The following WWOX variants were observed in gnomAD, a reference collection of about 807,000 sequenced individuals.
The protein encoded by WWOX is WW domain containing oxidoreductase.
Under a neutral mutation model 46.2 loss-of-function variants are expected in WWOX, and 69 were observed. That is an observed-to-expected ratio of 1.49 (90% CI 1.23 to 1.82). The LOEUF is 1.82. Ranked by LOEUF, WWOX falls within the 40% of genes most tolerant of loss-of-function variation. WWOX has a pLI of 0.00. For synonymous variants in WWOX, 359 were observed against 202.6 expected (o/e 1.77, Z -6.56); for missense variants, 919 against 542.6 (o/e 1.69, Z -6.89).
intron 8 of WWOX, among the ~76,000 whole-genome samples, chr16:78,914,829 G>GGA (rs2045206358): frequency 6.9e-6 from 1 of 145,416 alleles, no homozygotes; most frequent in South Asian, 2.2e-4. Context: ...CAGTGAGCCA[G>GGA]GATCGCGCCA....
chr16:78,372,847 T>C (rs2151922852), intron 5 of WWOX, among the ~76,000 whole-genome samples: 1 of 152,320 alleles, frequency 6.6e-6, no homozygotes, highest in East Asian at 1.9e-4. Flanking sequence ...TAATTTGTTA[T>C]CATCATGCCT....
chr16:78,695,577 T>C (rs1437166308), intron 8 of WWOX, among the ~76,000 whole-genome samples: 1 of 152,154 alleles, frequency 6.6e-6, no homozygotes, highest in African/African-American at 2.4e-5. Context: ...TTCAGCGGGC[T>C]GGATCAGAGA....
intron 4 of WWOX, among the ~76,000 whole-genome samples, chr16:78,134,149 G>A (rs999752284): frequency 5.9e-5 from 9 of 152,162 alleles, no homozygotes; most frequent in Admixed American, 5.2e-4. Flanking sequence ...TTTACTAGTT[G>A]CTCAAATATT....
intron 8 of WWOX, among the ~76,000 whole-genome samples, chr16:78,469,465 T>A (rs1333037922): frequency 6.6e-6 from 1 of 152,162 alleles, no homozygotes; most frequent in African/African-American, 2.4e-5. Flanking sequence ...GAAACAGAGA[T>A]GACAGGCTCC....
rs1319840360 is a variant in WWOX at position 78,332,764 on chromosome 16, TG to T, written c.517-54095del. ...TGAGTGTGCCTTTTGCTCTGTTAAG[TG>T]TGCATTCAGAACTTTACTAACATGG... is the stretch of plus-strand genomic sequence containing the variant. On this transcript the variant is annotated intron_variant, in intron 5 of 8. Coordinates refer to ENST00000566780, the MANE Select transcript of WWOX (RefSeq NM_016373.4). Among the ~76,000 whole-genome samples, 33 of 152,130 alleles carry T rather than the reference TG, an allele frequency of 2.2e-4. 2 individuals are homozygous for T. Among genetic ancestry groups the T allele is most frequent in the Admixed American group, 6.6e-5 (1 of 15,266 alleles).
At chr16:78,533,745 A>G (rs2043688455) in intron 8 of WWOX, among the ~76,000 whole-genome samples, 1 of 152,188 alleles carries the variant, frequency 6.6e-6, no homozygotes, top group Admixed American at 6.5e-5. Flanking sequence ...CCCTCCAGAA[A>G]GCCTTCCCTG....
intron 8 of WWOX, among the ~76,000 whole-genome samples, chr16:78,801,460 TATC>T (rs1158080543): frequency 6.6e-6 from 1 of 152,122 alleles, no homozygotes; most frequent in East Asian, 1.9e-4. Flanking sequence ...AGTAAGCTGA[TATC>T]ATGTCACCGC....
intron 8 of WWOX, among the ~76,000 whole-genome samples, chr16:78,790,387 A>T (rs1431040069): frequency 3.3e-5 from 5 of 152,098 alleles, no homozygotes; most frequent in Non-Finnish European, 7.4e-5. Flanking sequence ...TGCCCGCCCC[A>T]GCCTCCCAAA....
chr16:79,137,889 G>T (rs1017837900), intron 8 of WWOX, among the ~76,000 whole-genome samples: 2 of 152,114 alleles, frequency 1.3e-5, no homozygotes, highest in Admixed American at 1.3e-4. Flanking sequence ...CAAAGTTAGG[G>T]GGTGGGGGAC....
intron 8 of WWOX, among the ~76,000 whole-genome samples, chr16:79,186,404 C>T (rs139049805): frequency 1.3e-5 from 2 of 152,188 alleles, no homozygotes; most frequent in Non-Finnish European, 2.9e-5. Flanking sequence ...CTTGGTGTTT[C>T]CTGGCTTGCA....
chr16:78,999,565 A>G (rs938365593), intron 8 of WWOX, among the ~76,000 whole-genome samples: 36 of 152,220 alleles, frequency 2.4e-4, no homozygotes, highest in Admixed American at 4.6e-4. Flanking sequence ...CAGAGTCAAA[A>G]TGTTATTCAG....
intron 8 of WWOX, among the ~76,000 whole-genome samples, chr16:78,973,553 CT>C (rs922272298): frequency 2.6e-5 from 4 of 152,082 alleles, no homozygotes; most frequent in African/African-American, 9.6e-5. Context: ...TTTTTGCTTT[CT>C]TTTTTTGGGG....
intron 8 of WWOX, among the ~76,000 whole-genome samples, chr16:78,747,830 C>T (rs538197206): frequency 6.6e-6 from 1 of 152,324 alleles, no homozygotes; most frequent in South Asian, 2.1e-4. Flanking sequence ...TGTCTCCAAG[C>T]TGCTCCATGA....
intron 5 of WWOX, among the ~76,000 whole-genome samples, chr16:78,325,028 C>A (rs964983527): frequency 1.3e-5 from 2 of 152,174 alleles, no homozygotes; most frequent in African/African-American, 4.8e-5. Context: ...CACAAAAACC[C>A]ATTCCTCAGA....
At chr16:78,485,648 C>T (rs975208223) in intron 8 of WWOX, among the ~76,000 whole-genome samples, 1 of 152,300 alleles carries the variant, frequency 6.6e-6, no homozygotes, top group South Asian at 2.1e-4. Context: ...CTGCCCGCCG[C>T]GTGAAGGACA....
intron 8 of WWOX, among the ~76,000 whole-genome samples, chr16:78,740,227 G>A (rs749569649): frequency 7.5e-4 from 114 of 152,294 alleles, no homozygotes; most frequent in Non-Finnish European, 7.9e-4. Context: ...ACTCAGGAAG[G>A]CTGGAGTCTT....
In WWOX at chr16:78,485,942, A is replaced by T. The variant is rs952118500; in HGVS notation, c.1056+53190A>T. Among the ~76,000 whole-genome samples, 35 of 152,228 alleles carry T rather than the reference A, an allele frequency of 2.3e-4. 1 individual carries two copies. Among genetic ancestry groups the T allele is most frequent in the Admixed American group, 1.9e-3 (29 of 15,278 alleles). On this transcript the variant is annotated intron_variant, in intron 8 of 8. Coordinates refer to ENST00000566780, the MANE Select transcript of WWOX (RefSeq NM_016373.4). ...ATGGATACGTTATTTATGGTGTTTA[A>T]TTATTATTGTACAGATTTATTAAAT...
chr16:79,026,278 A>C (rs926681649), intron 8 of WWOX, among the ~76,000 whole-genome samples: 1 of 151,502 alleles, frequency 6.6e-6, no homozygotes, highest in Non-Finnish European at 1.5e-5. Flanking sequence ...GTCAACTCCT[A>C]ACTCCTGCCT....
rs547847384 is a variant in WWOX, at chr16:78,415,944, G to A, written c.606-8926G>A. ...CCCACAGTCAGCAGACACAGAGAAT[G>A]CCATGGGGCCACTCATCAGAAAGGT... On this transcript the variant is annotated intron_variant, in intron 6 of 8. Transcript: ENST00000566780. 2.0e-5 allele frequency among the ~76,000 whole-genome samples: 3 copies of A among 152,310 alleles called. No homozygotes were observed. In the East Asian group the frequency reaches 5.8e-4, roughly 29 times the overall value.
Sources: gnomAD v4.1 joint callset for allele counts (sites outside exome capture counted in the v4.1 genomes callset) on GRCh38, gnomAD v4.1.1 for gene constraint, MANE v1.5 for transcripts, NCBI Gene and HGNC (gene_info 2026-07-23, HGNC 2026-07-21) for gene names.